The following CATSPERB variants were observed in gnomAD, a reference collection of about 807,000 sequenced individuals.
CATSPERB encodes the protein cation channel sperm-associated auxiliary subunit beta.
Under a neutral mutation model 128.3 loss-of-function variants are expected in CATSPERB, and 93 were observed. The observed-to-expected ratio is 0.72, with a 90% CI of 0.61 to 0.86. CATSPERB has a LOEUF of 0.86. Among genes scored for constraint, CATSPERB ranks in the 40% least tolerant of loss-of-function variants. The pLI is 0.00. For synonymous variants in CATSPERB, 381 were observed against 448.8 expected, an observed-to-expected ratio of 0.85 and a Z score of 1.91; for missense variants, 1,153 against 1,329.5, an observed-to-expected ratio of 0.87 and a Z score of 2.06.
rs761352673 is a variant in CATSPERB at position 91,723,112 on chromosome 14, AAG to A, written c.244_245del (p.Leu82CysfsTer9). ...TATTCATGATTCCCAAGCTGGGAGC[AAG>A]TCCTCCTGATGTGAACACACTTAGC... ...AMLSVFTSGG[L>X]APSLGIMNST... On this transcript the variant is annotated frameshift_variant, in exon 4 of 27. Transcript: ENST00000256343. LOFTEE classifies it high-confidence loss of function. 1 of 1,557,674 alleles carries A rather than the reference AAG, an allele frequency of 6.4e-7. No individual in the cohort carries two copies. The highest frequency in any genetic ancestry group is 8.7e-7 in the Non-Finnish European group (1 of 1,151,670).
chr14:91,646,213 C>T (rs1894602186), intron 15 of CATSPERB: 2 of 158,576 alleles, frequency 1.3e-5, no homozygotes, highest in South Asian at 3.8e-4. Flanking sequence ...TGTTCCTATT[C>T]GGCCATCTTG....
In CATSPERB at chr14:91,729,334, A is replaced by T. The variant is rs1896172910; in HGVS notation, c.79+67T>A. 3 of 664,600 alleles carry T rather than the reference A, an allele frequency of 4.5e-6. No homozygotes were observed. In the Admixed American group the frequency reaches 1.0e-4, roughly 23 times the overall value. 41.2% of individuals were successfully genotyped at this position (664,600 alleles called of 1,614,324 possible). Reference sequence around the variant, plus strand: ...ACTAAAAGAAAAATTTTTTACTGTAAATAAGGAAGAGACACAAATAAGAAC... The same window carrying T: ...ACTAAAAGAAAAATTTTTTACTGTATATAAGGAAGAGACACAAATAAGAAC... On this transcript the variant is annotated intron_variant, in intron 2 of 26. Coordinates refer to ENST00000256343, the MANE Select transcript of CATSPERB (RefSeq NM_024764.4).
chr14:91,648,194 T>C (rs1894640254), intron 15 of CATSPERB, among the ~76,000 whole-genome samples: 1 of 152,202 alleles, frequency 6.6e-6, no homozygotes. Context: ...TAGCCTCTTA[T>C]CAACATATCA....
intron 16 of CATSPERB, 36 bp downstream of exon 16, chr14:91,639,060 A>T: frequency 2.5e-6 from 4 of 1,579,570 alleles, no homozygotes; most frequent in Non-Finnish European, 3.5e-6. Context: ...CTATTCTTAA[A>T]ATAAGGCAAA....
chr14:91,616,068 A>T (rs1470080524), intron 20 of CATSPERB, among the ~76,000 whole-genome samples: 2 of 151,924 alleles, frequency 1.3e-5, no homozygotes, highest in Non-Finnish European at 2.9e-5. Context: ...TTTAGTAGAG[A>T]TGGGGTTTCA....
chr14:91,624,842 A>G lies in CATSPERB; in HGVS notation c.1908T>C (p.Tyr636=), dbSNP rs778105927. Residue 636 remains tyrosine, a synonymous_variant, in exon 18 of 27, where the codon TAT becomes TAC. Transcript: ENST00000256343. ...TACCTTGTGAATCAAGAGTGAGTTTATAGACATTTCCAGCTTTATTAATCA... is the reference window on the plus strand; with the variant it reads ...TACCTTGTGAATCAAGAGTGAGTTTGTAGACATTTCCAGCTTTATTAATCA... The part of the protein sequence containing the change: ...SLLINKAGNV[Y]KLTLDSQVVQ... 1 of 1,605,520 alleles carries G rather than the reference A, an allele frequency of 6.2e-7. No homozygotes were observed. Among genetic ancestry groups the G allele is most frequent in the South Asian group, 1.1e-5 (1 of 88,674 alleles).
At chr14:91,629,593 T>C (rs768968447) in intron 17 of CATSPERB, among the ~76,000 whole-genome samples, 4 of 152,298 alleles carry the variant, frequency 2.6e-5, no homozygotes, top group Non-Finnish European at 5.9e-5. Flanking sequence ...GGGATGTGGA[T>C]AGTGGGGAAG....
chr14:91,665,795 G>T (rs548364587), intron 14 of CATSPERB, among the ~76,000 whole-genome samples: 1 of 152,052 alleles, frequency 6.6e-6, no homozygotes, highest in East Asian at 1.9e-4. Context: ...ACTTGAACCC[G>T]GGAGGTGGTG....
Position 91,682,452 on chromosome 14 carries a change from CA to C in CATSPERB, c.931+1424del, listed in dbSNP as rs1221042555. Among the ~76,000 whole-genome samples the C allele has an allele frequency of 2.6e-5, 4 of 152,134 alleles. No individual in the cohort carries two copies. The East Asian group carries it at 7.7e-4, about 29-fold the overall frequency. Reference sequence around the variant, plus strand: ...CTGTAACATGGGATGGTTACCTCCCCAGGAATGTAATCAAACTCTTCAACTG... The same window carrying C: ...CTGTAACATGGGATGGTTACCTCCCCGGAATGTAATCAAACTCTTCAACTG... On this transcript the variant is annotated intron_variant, in intron 11 of 26. Transcript: ENST00000256343.
chr14:91,669,745 A>ATGC, intron 14 of CATSPERB, 69 bp downstream of exon 14: 3 of 1,421,524 alleles, frequency 2.1e-6, no homozygotes, highest in Non-Finnish European at 2.8e-6. Flanking sequence ...TTCTTAATGT[A>ATGC]CAGCCATGCA....
chr14:91,640,407 A>G (rs1445343377), intron 15 of CATSPERB, among the ~76,000 whole-genome samples: 1 of 56,948 alleles, frequency 1.8e-5, no homozygotes, highest in African/African-American at 8.1e-5. Context: ...CCCCCACCCC[A>G]CCACAGTCCC....
intron 17 of CATSPERB, among the ~76,000 whole-genome samples, chr14:91,633,986 T>C (rs777312183): frequency 6.6e-6 from 1 of 151,968 alleles, no homozygotes. Context: ...ACAAAAAAAA[T>C]TATAGTTGAC....
At chr14:91,651,115 A>T (rs1469184443) in intron 15 of CATSPERB, among the ~76,000 whole-genome samples, 1 of 152,152 alleles carries the variant, frequency 6.6e-6, no homozygotes, top group Non-Finnish European at 1.5e-5. Flanking sequence ...GATTTCTATG[A>T]ATTGCAATCT....
At chr14:91,691,118 A>G (rs892551071) in intron 10 of CATSPERB, among the ~76,000 whole-genome samples, 2 of 152,198 alleles carry the variant, frequency 1.3e-5, no homozygotes, top group Admixed American at 1.3e-4. Context: ...TCGAAGTAGA[A>G]CAGACTTACA....
intron 11 of CATSPERB, among the ~76,000 whole-genome samples, chr14:91,681,624 T>C (rs1895282588): frequency 6.6e-6 from 1 of 152,162 alleles, no homozygotes; most frequent in South Asian, 2.1e-4. Context: ...AGGACAGACA[T>C]TACTAACCAT....
chr14:91,704,794 G>T (rs1341001850), intron 6 of CATSPERB, 93 bp from the exon 7 acceptor site: 2 of 1,308,530 alleles, frequency 1.5e-6, no homozygotes, highest in Non-Finnish European at 2.1e-6. Context: ...ACTATGTAAA[G>T]AAACTATTCT....
chr14:91,674,761 C>A (rs192741813), intron 11 of CATSPERB, among the ~76,000 whole-genome samples: 1 of 152,110 alleles, frequency 6.6e-6, no homozygotes, highest in African/African-American at 2.4e-5. Flanking sequence ...TTGTAAAATT[C>A]CAGAGATTAC....
chr14:91,669,039 T>C (rs1293509511), intron 14 of CATSPERB, among the ~76,000 whole-genome samples: 2 of 152,202 alleles, frequency 1.3e-5, no homozygotes, highest in Non-Finnish European at 2.9e-5. Flanking sequence ...ACCTCTTTTC[T>C]TTATAAATTA....
intron 15 of CATSPERB, among the ~76,000 whole-genome samples, chr14:91,643,840 A>T (rs1894541298): frequency 1.4e-5 from 1 of 73,978 alleles, no homozygotes. Flanking sequence ...AATGTGTGGG[A>T]GTCTAAGTCT....
Sources: allele counts gnomAD v4.1 joint callset (sites outside exome capture counted in the v4.1 genomes callset), GRCh38; gene constraint gnomAD v4.1.1; transcripts MANE v1.5; gene names NCBI Gene and HGNC (gene_info 2026-07-23, HGNC 2026-07-21).